Variants in CSNK1G1 observed in about 807,000 individuals in gnomAD.
CSNK1G1 encodes the protein casein kinase 1 gamma 1.
In CSNK1G1, 22 loss-of-function variants were observed where a neutral mutation model predicts 59.6. That is an observed-to-expected ratio of 0.37 (90% CI 0.26 to 0.53). The LOEUF is 0.53. Among genes scored for constraint, CSNK1G1 ranks in the 20% least tolerant of loss-of-function variants. CSNK1G1 has a pLI of 0.89. For synonymous variants in CSNK1G1, 179 were observed against 177.1 expected (o/e 1.01, Z -0.08); for missense variants, 384 against 519.5 (o/e 0.74, Z 2.54).
chr15:64,248,460 G>A (rs909412395), intron 4 of CSNK1G1, among the ~76,000 whole-genome samples: 5 of 152,088 alleles, frequency 3.3e-5, no homozygotes, highest in African/African-American at 9.7e-5. Flanking sequence ...ACTGCTATGT[G>A]ACAGAATGAC....
intron 3 of CSNK1G1, among the ~76,000 whole-genome samples, chr15:64,257,128 C>T (rs771314741): frequency 2.6e-5 from 4 of 151,492 alleles, no homozygotes; most frequent in Non-Finnish European, 5.9e-5. Context: ...AAATGCGGTA[C>T]TGAGTCACAC....
At chr15:64,285,354 C>T (rs1215367944) in intron 2 of CSNK1G1, among the ~76,000 whole-genome samples, 1 of 151,962 alleles carries the variant, frequency 6.6e-6, no homozygotes, top group Non-Finnish European at 1.5e-5. Flanking sequence ...GATGACATTG[C>T]AATATTGCCT....
chr15:64,333,755 G>A (rs1897240650), intron 1 of CSNK1G1, among the ~76,000 whole-genome samples: 1 of 152,082 alleles, frequency 6.6e-6, no homozygotes, highest in Admixed American at 6.6e-5. Flanking sequence ...AGTAATAGCT[G>A]TTCTTACATC....
At chr15:64,299,150 C>A (rs1034076200) in intron 2 of CSNK1G1, among the ~76,000 whole-genome samples, 5 of 144,992 alleles carry the variant, frequency 3.4e-5, no homozygotes, top group African/African-American at 1.2e-4. Context: ...TCACATTAAT[C>A]CACAGTCTCA....
chr15:64,352,447 C>CTTCTTTTTTTTTTTTTTTTTT (rs1566958699), intron 1 of CSNK1G1, among the ~76,000 whole-genome samples: 1 of 89,412 alleles, frequency 1.1e-5, no homozygotes, highest in Non-Finnish European at 2.0e-5. Context: ...TTGAATTCTT[C>CTTCTTTTTTTTTTTTTTTTTT]TTTTTTTTTT....
At chr15:64,283,674 G>C (rs147638988) in intron 2 of CSNK1G1, among the ~76,000 whole-genome samples, 7,223 of 151,938 alleles carry the variant, frequency 0.048, 179 homozygotes, top group South Asian at 0.078. Flanking sequence ...GTAGAGACGG[G>C]GTTTCACCAT....
At chr15:64,307,850 C>A (rs1414677609) in intron 1 of CSNK1G1, among the ~76,000 whole-genome samples, 2 of 152,026 alleles carry the variant, frequency 1.3e-5, no homozygotes. Flanking sequence ...CCACGCCTGG[C>A]TAATTTTTTG....
At chr15:64,312,894 TAAAC>T (rs1455544227) in intron 1 of CSNK1G1, among the ~76,000 whole-genome samples, 2 of 151,940 alleles carry the variant, frequency 1.3e-5, no homozygotes, top group Non-Finnish European at 2.9e-5. Flanking sequence ...ACAAAGAACT[TAAAC>T]AAATTTACAA....
At position 64,285,594 on chromosome 15, in the gene CSNK1G1, C is replaced by T. The variant is rs954070477; in HGVS notation, c.181+14725G>A. 2.6e-5 allele frequency among the ~76,000 whole-genome samples: 4 copies of T among 152,102 alleles called. No homozygotes were observed. In the South Asian group the frequency reaches 8.3e-4, roughly 32 times the overall value. ...TGAGATACTGTTAACATGTTAACTT[C>T]TAGTTTCACAGTACAAACAAACATT... On this transcript the variant is annotated intron_variant, in intron 2 of 11. Transcript: ENST00000303052.
intron 1 of CSNK1G1, among the ~76,000 whole-genome samples, chr15:64,351,928 G>A (rs373335959): frequency 7.2e-5 from 11 of 152,000 alleles, no homozygotes; most frequent in Non-Finnish European, 1.2e-4. Flanking sequence ...AAGAAGACAG[G>A]GGAAAAAGTG....
At chr15:64,319,917 C>CTTTTT (rs148166902) in intron 1 of CSNK1G1, among the ~76,000 whole-genome samples, 51 of 65,952 alleles carry the variant, frequency 7.7e-4, no homozygotes, top group African/African-American at 2.0e-3. Context: ...TAGATCAGGG[C>CTTTTT]TTTTTTTTTT....
Position 64,221,511 on chromosome 15 carries a change from C to A in CSNK1G1, c.293-4798G>T, listed in dbSNP as rs74821075. Among the ~76,000 whole-genome samples, 1,047 of 152,174 alleles carry A rather than the reference C, an allele frequency of 6.9e-3. 10 individuals are homozygous for A. The highest frequency in any genetic ancestry group is 0.017 in the African/African-American group (704 of 41,508). On this transcript the variant is annotated intron_variant, in intron 4 of 11. Transcript: ENST00000303052. The stretch of plus-strand genomic sequence containing the variant: ...AAGTACCCTGAGACCTCACAACACA[C>A]TGGCAGGCTTTGGGATGCTCAAAGC...
chr15:64,312,697 A>C (rs1486137175), intron 1 of CSNK1G1, among the ~76,000 whole-genome samples: 1 of 152,232 alleles, frequency 6.6e-6, no homozygotes, highest in East Asian at 1.9e-4. Flanking sequence ...AGGCATGGGC[A>C]AAGACTTCAT....
intron 2 of CSNK1G1, among the ~76,000 whole-genome samples, chr15:64,263,890 C>A (rs1018100285): frequency 1.3e-5 from 2 of 148,934 alleles, no homozygotes; most frequent in African/African-American, 5.0e-5. Context: ...ACTAAGCCAG[C>A]ACCCAATTTC....
chr15:64,201,749 TG>T (rs760909628), intron 10 of CSNK1G1, among the ~76,000 whole-genome samples: 8,301 of 124,744 alleles, frequency 0.067, 243 homozygotes, highest in Non-Finnish European at 0.072. Context: ...TGTGTGTGTG[TG>T]TTTATATACT....
intron 2 of CSNK1G1, among the ~76,000 whole-genome samples, chr15:64,274,920 G>C (rs1165973620): frequency 6.6e-6 from 1 of 152,144 alleles, no homozygotes; most frequent in African/African-American, 2.4e-5. Flanking sequence ...AAAAAATCCA[G>C]CCAAATGAAC....
rs1388781296 is a variant in CSNK1G1 at position 64,204,601 on chromosome 15, G to C, written c.851-12C>G. On this transcript the variant is annotated splice_polypyrimidine_tract_variant and intron_variant, in intron 8 of 11. Transcript: ENST00000303052. The stretch of plus-strand genomic sequence containing the variant: ...GGTTGCCATCTCCTCTGTTAGGAAA[G>C]AGATGAAAGGCCCTGCTCATTAGCT... 1 of 1,611,368 alleles carries C rather than the reference G, an allele frequency of 6.2e-7. No individual in the cohort carries two copies. Among genetic ancestry groups the C allele is most frequent in the Non-Finnish European group, 8.5e-7 (1 of 1,179,310 alleles).
intron 10 of CSNK1G1, chr15:64,189,325 G>C (rs2081939870): frequency 1.7e-6 from 2 of 1,151,626 alleles, no homozygotes. Flanking sequence ...GTATCATTCA[G>C]GCTCTCCTTC....
rs1265374420 is a variant in CSNK1G1 at position 64,251,513 on chromosome 15, T to C, written c.291A>G (p.Ala97=). Residue 97 remains alanine, a splice_region_variant and synonymous_variant, in exon 4 of 12, where the codon GCA becomes GCG. Coordinates refer to ENST00000303052, the MANE Select transcript of CSNK1G1 (RefSeq NM_022048.5). ...GTGGAGAGAAAAGACTTGACTTACCTGCACTGCCAAGCTGTTTATAAAATC... is the reference window on the plus strand; with the variant it reads ...GTGGAGAGAAAAGACTTGACTTACCCGCACTGCCAAGCTGTTTATAAAATC... ...EYRFYKQLGS[A]GEGLPQVYYF... 1.2e-6 allele frequency: 2 copies of C among 1,606,684 alleles called. No individual in the cohort carries two copies. Among genetic ancestry groups the C allele is most frequent in the Non-Finnish European group, 1.7e-6 (2 of 1,174,308 alleles).
Sources: gnomAD v4.1 joint callset for allele counts (sites outside exome capture counted in the v4.1 genomes callset) on GRCh38, gnomAD v4.1.1 for gene constraint, MANE v1.5 for transcripts, NCBI Gene and HGNC (gene_info 2026-07-23, HGNC 2026-07-21) for gene names.